The following SLTM variants were observed in gnomAD, a reference collection of about 807,000 sequenced individuals.
SLTM encodes the protein SAFB-like transcription modulator.
A neutral mutation model predicts 134.6 loss-of-function variants in SLTM; 43 were observed. The observed-to-expected ratio is 0.32, with a 90% CI of 0.25 to 0.41. The LOEUF (loss-of-function observed/expected upper bound fraction) is 0.41. Ranked by LOEUF, SLTM falls within the 10% of genes least tolerant of loss-of-function variation. The pLI is 1.00. For missense variants in SLTM, 1,055 were observed against 1,288.8 expected (o/e 0.82, Z 2.78); for synonymous variants, 424 against 432.3 (o/e 0.98, Z 0.24).
intron 1 of SLTM, among the ~76,000 whole-genome samples, chr15:58,933,069 G>A (rs546818289): frequency 2.0e-5 from 3 of 152,164 alleles, no homozygotes; most frequent in Non-Finnish European, 2.9e-5. Flanking sequence ...AGGCTGGGGA[G>A]CCAGCGCCTC....
chr15:58,893,458 C>A, intron 12 of SLTM, 94 bp from the exon 13 acceptor site: 1 of 814,980 alleles, frequency 1.2e-6, no homozygotes, highest in South Asian at 1.7e-5. Flanking sequence ...TAGTCACACA[C>A]CAATACATGA....
chr15:58,886,238 T>A (rs1323387030), intron 19 of SLTM, among the ~76,000 whole-genome samples: 1 of 145,880 alleles, frequency 6.9e-6, no homozygotes. Context: ...TGTGTGTGTG[T>A]GTGTGTGTGT....
intron 2 of SLTM, among the ~76,000 whole-genome samples, chr15:58,918,873 A>C (rs1157091857): frequency 6.6e-6 from 1 of 152,236 alleles, no homozygotes; most frequent in Non-Finnish European, 1.5e-5. Context: ...AAAGAAAAAA[A>C]ACTAAAGATG....
intron 16 of SLTM, 54 bp downstream of exon 16, chr15:58,889,376 C>T (rs1428310384): frequency 6.2e-7 from 1 of 1,605,176 alleles, no homozygotes; most frequent in African/African-American, 1.3e-5. Context: ...TAGTCTTAGC[C>T]TAAAGGGAAT....
rs191280832 is a variant in SLTM at position 58,904,323 on chromosome 15, T to A, written c.562-3036A>T. 6.5e-4 allele frequency among the ~76,000 whole-genome samples: 99 copies of A among 152,290 alleles called. 1 individual carries two copies. The highest frequency in any genetic ancestry group is 2.1e-3 in the Admixed American group (32 of 15,286). Reference sequence around the variant, plus strand: ...GCCACGCCCGGCCAACAATAATTTCTATGAAGTCATTTTATTAATAAATGA... The same window carrying A: ...GCCACGCCCGGCCAACAATAATTTCAATGAAGTCATTTTATTAATAAATGA... On this transcript the variant is annotated intron_variant, in intron 5 of 20. Coordinates refer to ENST00000380516, the MANE Select transcript of SLTM (RefSeq NM_024755.4).
At chr15:58,913,089 T>C (rs1367322485) in intron 4 of SLTM, among the ~76,000 whole-genome samples, 1 of 152,174 alleles carries the variant, frequency 6.6e-6, no homozygotes, top group Non-Finnish European at 1.5e-5. Context: ...GAAAAAACCC[T>C]ACCACCAAGT....
At chr15:58,931,218 T>G (rs2037856695) in intron 2 of SLTM, among the ~76,000 whole-genome samples, 1 of 152,178 alleles carries the variant, frequency 6.6e-6, no homozygotes, top group Admixed American at 6.5e-5. Flanking sequence ...AAGCTACCTT[T>G]AAGATAACTT....
At position 58,899,264 on chromosome 15, in the gene SLTM, C is replaced by T. The variant is rs745742324; in HGVS notation, c.1058+205G>A. On this transcript the variant is annotated intron_variant, in intron 7 of 20. Transcript: ENST00000380516. The surrounding 1 kb of genome is among the most constrained non-coding windows in gnomAD (Gnocchi z 5.0). ...AAAAAACCAAATATATGCTGACATT[C>T]GACAATGCAATCAGTAGAACACACT... is the stretch of plus-strand genomic sequence containing the variant. 14 of 480,248 alleles carry T rather than the reference C, an allele frequency of 2.9e-5. No individual in the cohort carries two copies. The highest frequency in any genetic ancestry group is 4.6e-5 in the South Asian group (1 of 21,850). 29.7% of individuals were successfully genotyped at this position (480,248 alleles called of 1,614,324 possible).
At position 58,894,385 on chromosome 15, in the gene SLTM, C is replaced by T. The variant is rs759053683; in HGVS notation, c.1377+48G>A. The T allele has an allele frequency of 2.0e-5, 32 of 1,607,346 alleles. No homozygotes were observed. In the African/African-American group the frequency reaches 4.1e-4, roughly 21 times the overall value. ...ACTGTTAACAGCTATGAGTTGAGAA[C>T]TAGCCATCAAATTAGACTTGCTTTG... On this transcript the variant is annotated intron_variant, in intron 10 of 20. Transcript: ENST00000380516.
chr15:58,889,509 G>C lies in SLTM; in HGVS notation c.2125C>G (p.Leu709Val). The change falls in exon 16 of 21, where the codon CTC becomes GTC. Residue 709 changes from leucine to valine, a missense_variant. By Grantham distance (32) the Leu-to-Val change is conservative (BLOSUM62 1). Coordinates refer to ENST00000380516, the MANE Select transcript of SLTM (RefSeq NM_024755.4). Reference sequence around the variant, plus strand: ...CGAAGCTGCTGTTGTTGCCTTCTGAGTTCCTCTCTTTCTCGAGCAATCCGT... The same window carrying C: ...CGAAGCTGCTGTTGTTGCCTTCTGACTTCCTCTCTTTCTCGAGCAATCCGT... ...AERIAREREE[L>V]RRQQQQLRYE... The C allele has an allele frequency of 6.2e-7, 1 of 1,614,032 alleles. No individual in the cohort carries two copies. Among genetic ancestry groups the C allele is most frequent in the Non-Finnish European group, 8.5e-7 (1 of 1,179,956 alleles).
rs563826888 is a variant in SLTM at position 58,894,212 on chromosome 15, A to G, written c.1378-19T>C. 3 of 1,569,632 alleles carry G rather than the reference A, an allele frequency of 1.9e-6. No homozygotes were observed. The highest frequency in any genetic ancestry group is 3.6e-5 in the Admixed American group (2 of 56,292). ...CTTTTACCTGAAAGGTTCGAACCAG[A>G]AAAACAATTTGTACATATGGTTACA... On this transcript the variant is annotated intron_variant, in intron 10 of 20. Transcript: ENST00000380516.
chr15:58,917,946 G>A (rs2036761886), intron 2 of SLTM, among the ~76,000 whole-genome samples: 1 of 151,956 alleles, frequency 6.6e-6, no homozygotes, highest in Non-Finnish European at 1.5e-5. Context: ...GACAGATGGA[G>A]TTTCACCACG....
At chr15:58,898,343 A>G (rs2035240917) in intron 8 of SLTM, 1 of 152,812 alleles carries the variant, frequency 6.5e-6, no homozygotes, top group Non-Finnish European at 1.5e-5. Flanking sequence ...GCAACTAAAT[A>G]TTGCACTTTG....
At chr15:58,921,870 G>T (rs911764833) in intron 2 of SLTM, among the ~76,000 whole-genome samples, 5 of 151,986 alleles carry the variant, frequency 3.3e-5, no homozygotes, top group Non-Finnish European at 5.9e-5. Context: ...CCGCCTCCCA[G>T]GTTCAAGCGA....
chr15:58,913,578 G>A lies in SLTM; in HGVS notation c.434C>T (p.Ala145Val), dbSNP rs1218680092. 6 of 1,612,950 alleles carry A rather than the reference G, an allele frequency of 3.7e-6. No homozygotes were observed. The highest frequency in any genetic ancestry group is 1.3e-5 in the African/African-American group (1 of 74,886). The change falls in exon 4 of 21, where the codon GCA becomes GTA. Residue 145 changes from alanine (A) to valine (V), a missense_variant. Coordinates refer to ENST00000380516, the MANE Select transcript of SLTM (RefSeq NM_024755.4). Reference protein sequence around the residue: ...ENVHSKELLSAEENKRAHELI... With the variant: ...ENVHSKELLSVEENKRAHELI... Reference sequence around the variant, plus strand: ...TTCATGAGCTCTCTTGTTTTCTTCTGCAGAGAGTAACTCCTTGGAATGCAC... The same window carrying A: ...TTCATGAGCTCTCTTGTTTTCTTCTACAGAGAGTAACTCCTTGGAATGCAC...
At chr15:58,896,966 C>A in intron 9 of SLTM, 149 bp downstream of exon 9, 1 of 539,700 alleles carries the variant, frequency 1.9e-6, no homozygotes, top group Non-Finnish European at 3.3e-6. Flanking sequence ...CTCTCATCTA[C>A]CATTACCACA....
In SLTM at chr15:58,879,166, A is replaced by G. The variant is rs2033499711; in HGVS notation, c.*833T>C. 1 of 152,254 alleles carries G rather than the reference A, an allele frequency of 6.6e-6. No individual in the cohort carries two copies. Among genetic ancestry groups the G allele is most frequent in the Non-Finnish European group, 1.5e-5 (1 of 68,040 alleles). The allele number at this position is 152,254 out of a possible 1,614,324, so 9.4% of individuals were successfully genotyped here. On this transcript the variant is annotated 3_prime_UTR_variant, in exon 21 of 21. Coordinates refer to ENST00000380516, the MANE Select transcript of SLTM (RefSeq NM_024755.4). Reference sequence around the variant, plus strand: ...AACCTGGGTTTTTTTCCACTTCTCAACATAGTTGGGAACATGGAAACATTA... The same window carrying G: ...AACCTGGGTTTTTTTCCACTTCTCAGCATAGTTGGGAACATGGAAACATTA...
intron 16 of SLTM, chr15:58,888,849 A>C: frequency 4.0e-6 from 1 of 248,662 alleles, no homozygotes. Flanking sequence ...TAAATGGAAA[A>C]GACAAATAAA....
rs779783431 is a variant in SLTM at position 58,893,071 on chromosome 15, A to C, written c.1735-11T>G. 6.4e-7 allele frequency: 1 copy of C among 1,564,620 alleles called. No individual in the cohort carries two copies. The highest frequency in any genetic ancestry group is 2.3e-5 in the East Asian group (1 of 44,312). On this transcript the variant is annotated splice_polypyrimidine_tract_variant and intron_variant, in intron 13 of 20. Coordinates refer to ENST00000380516, the MANE Select transcript of SLTM (RefSeq NM_024755.4). The stretch of plus-strand genomic sequence containing the variant: ...ACTTCTTCCATGAATCTGTAGAAAA[A>C]AATTAGAAGAACACTAGAAATTAAA...
Sources: allele counts gnomAD v4.1 joint callset (sites outside exome capture counted in the v4.1 genomes callset), GRCh38; gene constraint gnomAD v4.1.1; non-coding constraint Gnocchi (gnomAD v3.1); transcripts MANE v1.5; gene names NCBI Gene and HGNC (gene_info 2026-07-23, HGNC 2026-07-21).